Variants in THSD7B observed in about 807,000 individuals in gnomAD.
The protein encoded by THSD7B is thrombospondin type 1 domain containing 7B, also known as thrombospondin type-1 domain-containing protein 7B.
Under a neutral mutation model 213.6 loss-of-function variants are expected in THSD7B, and 138 were observed. The ratio of observed to expected loss-of-function variants is 0.65; its 90% CI spans 0.56 to 0.74. THSD7B has a LOEUF of 0.74. Ranked by LOEUF, THSD7B falls within the 30% of genes least tolerant of loss-of-function variation. The probability of loss-of-function intolerance (pLI) is 0.00; values close to 1 mark genes in which losing one functional copy is unlikely to be tolerated. For synonymous variants in THSD7B, 742 were observed against 687.0 expected (o/e 1.08, Z -1.25); for missense variants, 1,931 against 1,991.5 (o/e 0.97, Z 0.58).
chr2:137,455,093 C>A (rs1007269037), intron 15 of THSD7B, among the ~76,000 whole-genome samples: 84 of 152,228 alleles, frequency 5.5e-4, no homozygotes, highest in African/African-American at 1.9e-3. Flanking sequence ...TCCACTGCTT[C>A]TCTTTAGAAT....
intron 12 of THSD7B, among the ~76,000 whole-genome samples, chr2:137,399,102 GA>G (rs1181790178): frequency 4.6e-5 from 7 of 151,960 alleles, no homozygotes; most frequent in African/African-American, 2.4e-5. Context: ...ACCTCAGATG[GA>G]AATGCAGAAA....
chr2:137,254,533 G>A (rs916623524), intron 10 of THSD7B, among the ~76,000 whole-genome samples: 5 of 152,120 alleles, frequency 3.3e-5, no homozygotes, highest in African/African-American at 9.7e-5. Flanking sequence ...TGTCTTATTT[G>A]TTCATGGGTA....
rs187445761 is a variant in THSD7B at position 137,312,250 on chromosome 2, G to A, written c.2500+36224G>A. Among the ~76,000 whole-genome samples the A allele has an allele frequency of 9.4e-3, 1,424 of 152,206 alleles. 59 individuals carry two copies. In the East Asian group the frequency reaches 0.098, roughly 10 times the overall value. Reference sequence around the variant, plus strand: ...TTAGTCTTGGGAAAGTGTATGTGTCGAGGAATTTATCCATTTCTTCTAGAT... The same window carrying A: ...TTAGTCTTGGGAAAGTGTATGTGTCAAGGAATTTATCCATTTCTTCTAGAT... On this transcript the variant is annotated intron_variant, in intron 12 of 27. Coordinates refer to ENST00000409968, the MANE Select transcript of THSD7B (RefSeq NM_001316349.2).
chr2:137,605,827 C>T (rs1304356966), intron 17 of THSD7B, among the ~76,000 whole-genome samples: 2 of 151,920 alleles, frequency 1.3e-5, no homozygotes, highest in African/African-American at 4.8e-5. Context: ...TGCCACCACG[C>T]CCAGCTAATT....
chr2:137,347,516 A>T (rs1242683054), intron 12 of THSD7B, among the ~76,000 whole-genome samples: 1 of 151,074 alleles, frequency 6.6e-6, no homozygotes, highest in Admixed American at 6.6e-5. Flanking sequence ...ACTCCTTTTC[A>T]CTAGGCTTGT....
intron 14 of THSD7B, among the ~76,000 whole-genome samples, chr2:137,423,356 A>G (rs569861453): frequency 6.6e-6 from 1 of 152,098 alleles, no homozygotes; most frequent in African/African-American, 2.4e-5. Flanking sequence ...AACTACATCT[A>G]TTGGCAGATA....
chr2:137,206,627 A>G (rs4572646), intron 7 of THSD7B, among the ~76,000 whole-genome samples: 90,264 of 151,808 alleles, frequency 0.59, 27,227 homozygotes, highest in South Asian at 0.71. Context: ...TATAAGAATT[A>G]AACAGGTCCA....
chr2:137,057,557 T>C (rs901346167), intron 3 of THSD7B, among the ~76,000 whole-genome samples: 4 of 152,196 alleles, frequency 2.6e-5, no homozygotes, highest in Non-Finnish European at 5.9e-5. Flanking sequence ...ACTAAGGGGC[T>C]TCTCATAATG....
At chr2:137,496,242 T>TC (rs1679563618) in intron 15 of THSD7B, among the ~76,000 whole-genome samples, 1 of 152,166 alleles carries the variant, frequency 6.6e-6, no homozygotes, top group East Asian at 1.9e-4. Context: ...AGATTCCAGG[T>TC]CCAATGCTCT....
At chr2:136,937,129 C>A (rs1684748547) in intron 2 of THSD7B, among the ~76,000 whole-genome samples, 1 of 152,082 alleles carries the variant, frequency 6.6e-6, no homozygotes, top group Admixed American at 6.6e-5. Flanking sequence ...CCTGCACCCC[C>A]AGCCACAGGC....
chr2:136,832,764 A>G (rs760808184), intron 1 of THSD7B, among the ~76,000 whole-genome samples: 9 of 152,196 alleles, frequency 5.9e-5, no homozygotes, highest in African/African-American at 9.6e-5. Context: ...TCCAGATGGT[A>G]TCAATATCCC....
chr2:136,925,428 A>T (rs567577471), intron 2 of THSD7B, among the ~76,000 whole-genome samples: 1 of 152,274 alleles, frequency 6.6e-6, no homozygotes, highest in Admixed American at 6.5e-5. Context: ...AATTGACATG[A>T]TCATGAAATT....
chr2:137,427,151 G>A lies in THSD7B; in HGVS notation c.2959+15279G>A, dbSNP rs77491037. 3.2e-4 allele frequency among the ~76,000 whole-genome samples: 49 copies of A among 152,202 alleles called. 2 individuals are homozygous for A. The East Asian group carries it at 8.9e-3, about 28-fold the overall frequency. ...GTCAAAAAGTAACAAATGTTGGTGA[G>A]ATGTAAAGAAAAGAGAACCTTTCTT... On this transcript the variant is annotated intron_variant, in intron 14 of 27. Transcript: ENST00000409968.
intron 1 of THSD7B, among the ~76,000 whole-genome samples, chr2:136,853,577 A>T (rs72977567): frequency 0.024 from 3,639 of 152,194 alleles, 158 homozygotes; most frequent in African/African-American, 0.084. Flanking sequence ...GTGCCTCTAC[A>T]TACTTTACCT....
chr2:136,855,625 ATTTAT>A (rs1683167158), intron 1 of THSD7B, among the ~76,000 whole-genome samples: 1 of 139,292 alleles, frequency 7.2e-6, no homozygotes, highest in Admixed American at 7.1e-5. Flanking sequence ...TTATTTATTT[ATTTAT>A]TTATTTATTT....
At position 137,285,650 on chromosome 2, in the gene THSD7B, C is replaced by T. The variant is rs1314973108; in HGVS notation, c.2500+9624C>T. Among the ~76,000 whole-genome samples, 3 of 149,710 alleles carry T rather than the reference C, an allele frequency of 2.0e-5. No individual in the cohort carries two copies. In the South Asian group the frequency reaches 6.4e-4, roughly 32 times the overall value. On this transcript the variant is annotated intron_variant, in intron 12 of 27. Transcript: ENST00000409968. The stretch of plus-strand genomic sequence containing the variant: ...AAGTTAAATAATGGAGATCTAAAGT[C>T]TTAATTATACAGCAATAATACCTGG...
chr2:136,873,594 A>G (rs1462472967), intron 1 of THSD7B, among the ~76,000 whole-genome samples: 1 of 152,208 alleles, frequency 6.6e-6, no homozygotes, highest in Non-Finnish European at 1.5e-5. Context: ...ACAAGATTGG[A>G]AAGTTGAAAA....
At chr2:137,408,538 T>C (rs1354606712) in intron 13 of THSD7B, among the ~76,000 whole-genome samples, 1 of 152,196 alleles carries the variant, frequency 6.6e-6, no homozygotes, top group Non-Finnish European at 1.5e-5. Flanking sequence ...TCTGCTATAG[T>C]TGCTGTTGTA....
chr2:137,559,085 A>G (rs1189239069), intron 15 of THSD7B, among the ~76,000 whole-genome samples: 2 of 152,220 alleles, frequency 1.3e-5, no homozygotes, highest in Non-Finnish European at 2.9e-5. Context: ...AAATGGAAGA[A>G]CATTCCAAGC....
Sources: allele counts gnomAD v4.1 joint callset (sites outside exome capture counted in the v4.1 genomes callset), GRCh38; gene constraint gnomAD v4.1.1; transcripts MANE v1.5; gene names NCBI Gene and HGNC (gene_info 2026-07-23, HGNC 2026-07-21).